The following GGT1 variants were observed in gnomAD, a reference collection of about 807,000 sequenced individuals.
The protein encoded by GGT1 is glutathione hydrolase 1 proenzyme.
Under a neutral mutation model 56.0 loss-of-function variants are expected in GGT1, and 21 were observed. That is an observed-to-expected ratio of 0.38 (90% confidence interval 0.27 to 0.54). The LOEUF is 0.54. Among genes scored for constraint, GGT1 ranks in the 20% least tolerant of loss-of-function variants. The probability of loss-of-function intolerance (pLI) is 0.82; values close to 1 mark genes in which losing one functional copy is unlikely to be tolerated. For missense variants in GGT1, 466 were observed against 787.0 expected (o/e 0.59, Z 4.88); for synonymous variants, 238 against 342.6 (o/e 0.69, Z 3.37).
intron 5 of GGT1, among the ~76,000 whole-genome samples, chr22:24,614,288 G>A (rs1372094534): frequency 7.0e-6 from 1 of 143,466 alleles, no homozygotes; most frequent in Non-Finnish European, 1.5e-5. Flanking sequence ...GACTGAGGCT[G>A]CAGTGATCTG....
chr22:24,617,912 G>A (rs1254573374), intron 7 of GGT1, among the ~76,000 whole-genome samples: 5 of 151,932 alleles, frequency 3.3e-5, no homozygotes, highest in African/African-American at 1.2e-4. Flanking sequence ...AGACTCGGGT[G>A]GAGCCAGGTG....
upstream of GGT1, among the ~76,000 whole-genome samples, chr22:24,598,440 C>T (rs1404032211): frequency 1.9e-5 from 2 of 106,086 alleles, no homozygotes; most frequent in Non-Finnish European, 3.4e-5. Context: ...ACTGAGACTC[C>T]GTCTCAAAAA....
At chr22:24,595,385 C>T (rs917364181) in intron 1 of GGT1, among the ~76,000 whole-genome samples, 16 of 152,220 alleles carry the variant, frequency 1.1e-4, no homozygotes, top group East Asian at 3.8e-4. Context: ...GATTCCACCT[C>T]GCTAGCCCAC....
In GGT1 at chr22:24,607,156, G is replaced by T. The variant is rs1465279117; in HGVS notation, c.-428-798G>T. ...TCTCTGGGCCCTGCCTTTCTGGGCT[G>T]TTCGGGTGGTTCCTTGGGCCTGGGG... On this transcript the variant is annotated intron_variant, in intron 1 of 15. Transcript: ENST00000400382. Among the ~76,000 whole-genome samples the T allele has an allele frequency of 6.6e-5, 10 of 152,268 alleles. No homozygotes were observed. The East Asian group carries it at 1.9e-3, about 29-fold the overall frequency.
In GGT1 at chr22:24,628,135, A is replaced by G. The variant is rs749606189; in HGVS notation, c.1391A>G (p.Gln464Arg). 3 of 1,611,876 alleles carry G rather than the reference A, an allele frequency of 1.9e-6. No individual in the cohort carries two copies. Among genetic ancestry groups the G allele is most frequent in the African/African-American group, 2.7e-5 (2 of 74,848 alleles). The change falls in exon 14 of 16, where the codon CAG (glutamine) becomes CGG (arginine). Residue 464 changes from glutamine (Q) to arginine (R), a missense_variant. Coordinates refer to ENST00000400382, the MANE Select transcript of GGT1 (RefSeq NM_001288833.2). The surrounding 1 kb of genome is among the most constrained non-coding windows in gnomAD (Gnocchi z 5.7). ...ACGATCATGGTGGGCCAGGACGGCC[A>G]GGTCCGGATGGTGGTGGGAGCTGCT... ...CPTIMVGQDG[Q>R]VRMVVGAAGG... is the part of the protein sequence containing the mutation.
upstream of GGT1, among the ~76,000 whole-genome samples, chr22:24,599,979 G>A (rs2045757279): frequency 6.6e-6 from 1 of 152,242 alleles, no homozygotes; most frequent in Non-Finnish European, 1.5e-5. Context: ...AGATCAGGCT[G>A]TGGCATGGTG....
At chr22:24,593,506 G>A (rs944742620), upstream of GGT1, among the ~76,000 whole-genome samples, 9 of 152,120 alleles carry the variant, frequency 5.9e-5, no homozygotes, top group Non-Finnish European at 1.2e-4. Flanking sequence ...ACAAAAATTA[G>A]GCCGGGCATG....
chr22:24,585,023 T>TCTCCCACACGGGGA, the GGT1 span, among the ~76,000 whole-genome samples: 7 of 151,878 alleles, frequency 4.6e-5, no homozygotes, highest in East Asian at 1.9e-4. Context: ...CGCTGCATGC[T>TCTCCCACACGGGGA]CTCCCACACG....
chr22:24,592,237 G>T, upstream of GGT1: 1 of 458,422 alleles, frequency 2.2e-6, no homozygotes. Flanking sequence ...TAGGAGCAGA[G>T]CCACCACCGG....
At chr22:24,589,915 A>G (rs766910722), upstream of GGT1, 4 of 1,611,480 alleles carry the variant, frequency 2.5e-6, no homozygotes, top group Admixed American at 3.4e-5. Context: ...TCTGTAGAGG[A>G]TATCAGGAAG....
chr22:24,591,791 G>C (rs1039560799), upstream of GGT1, among the ~76,000 whole-genome samples: 1 of 152,372 alleles, frequency 6.6e-6, no homozygotes, highest in East Asian at 1.9e-4. Context: ...CCAGGAGGAA[G>C]GCTGGCTGAT....
rs1001499542 is a variant in GGT1, at chr22:24,624,669, A to G, written c.1020+753A>G. On this transcript the variant is annotated intron_variant, in intron 11 of 15. Transcript: ENST00000400382. ...TTGGCTAAGGCCAGCTCCTTCATCT[A>G]CTCGCTGGCTCGGGGTGCTGTTCCT... 15 of 981,314 alleles carry G rather than the reference A, an allele frequency of 1.5e-5. No homozygotes were observed. The Admixed American group carries it at 7.4e-4, about 49-fold the overall frequency. The allele number at this position is 981,314 out of a possible 1,614,324, so 60.8% of individuals were successfully genotyped here. A position where few individuals can be genotyped will look rare whatever the true frequency, so the allele number is the denominator to read the frequency against.
At chr22:24,597,680 CA>C (rs146343998) in intron 1 of GGT1, among the ~76,000 whole-genome samples, 7,502 of 143,586 alleles carry the variant, frequency 0.052, 610 homozygotes, top group African/African-American at 0.17. Flanking sequence ...GACTCCATCT[CA>C]AAAACACACA....
upstream of GGT1, chr22:24,594,721 A>G (rs1227337275): frequency 6.6e-6 from 1 of 152,270 alleles, no homozygotes; most frequent in East Asian, 1.9e-4. Flanking sequence ...CCTTGGCACC[A>G]CAGGTTTCCT....
chr22:24,616,414 C>CA (rs905685147), intron 7 of GGT1, among the ~76,000 whole-genome samples: 5,252 of 132,580 alleles, frequency 0.04, 321 homozygotes, highest in African/African-American at 0.13. Flanking sequence ...AGCTCCGTCT[C>CA]AAAAAAAAAA....
the GGT1 span, among the ~76,000 whole-genome samples, chr22:24,586,841 A>G: frequency 2.0e-5 from 3 of 152,114 alleles, no homozygotes; most frequent in Non-Finnish European, 4.4e-5. Flanking sequence ...CCAAACTGTC[A>G]CTTTCTAAGT....
At chr22:24,596,032 T>C (rs911471558) in intron 1 of GGT1, among the ~76,000 whole-genome samples, 23 of 152,236 alleles carry the variant, frequency 1.5e-4, no homozygotes, top group African/African-American at 5.5e-4. Context: ...GGAGACAGAA[T>C]GTCCTCTGTG....
the GGT1 span, chr22:24,586,340 G>T: frequency 6.2e-7 from 1 of 1,613,930 alleles, no homozygotes; most frequent in Admixed American, 1.7e-5. Flanking sequence ...CACGTCCTGT[G>T]TCGACAGCGG....
the GGT1 span, chr22:24,588,727 C>G: frequency 1.9e-6 from 2 of 1,061,074 alleles, no homozygotes; most frequent in Non-Finnish European, 1.1e-6. Flanking sequence ...CCGTGCTCCA[C>G]TGACGCCAAT....
Sources: allele counts gnomAD v4.1 joint callset (sites outside exome capture counted in the v4.1 genomes callset), GRCh38; gene constraint gnomAD v4.1.1; non-coding constraint Gnocchi (gnomAD v3.1); transcripts MANE v1.5; gene names NCBI Gene and HGNC (gene_info 2026-07-23, HGNC 2026-07-21).